Variants in CCL14 observed in about 807,000 individuals in gnomAD.
The protein encoded by CCL14 is C-C motif chemokine ligand 14, also known as C-C motif chemokine 14.
A neutral mutation model predicts 8.2 loss-of-function variants in CCL14; 8 were observed. The observed-to-expected ratio is 0.98, with a 90% CI of 0.57 to 1.76. The LOEUF is 1.76. CCL14 is among the 40% of genes most tolerant of loss of function. CCL14 has a pLI of 0.00. For missense variants in CCL14, 127 were observed against 118.3 expected (o/e 1.07, Z -0.34); for synonymous variants, 50 against 43.2 (o/e 1.16, Z -0.62).
intron 1 of CCL14, chr17:35,985,898 G>C (rs973314366): frequency 1.3e-5 from 12 of 926,806 alleles, no homozygotes; most frequent in Non-Finnish European, 2.0e-5. Context: ...GGCCTAGGAT[G>C]GACCCCACAC....
intron 1 of CCL14, chr17:35,985,634 C>A: frequency 2.4e-6 from 2 of 823,820 alleles, no homozygotes; most frequent in South Asian, 3.2e-5. Flanking sequence ...ATCCAAAGAA[C>A]GGCATAAGGG....
intron 1 of CCL14, chr17:35,985,524 G>T: frequency 1.7e-6 from 1 of 574,340 alleles, no homozygotes; most frequent in Non-Finnish European, 3.1e-6. Flanking sequence ...AATCATGGAT[G>T]TGCATCACAA....
intron 1 of CCL14, chr17:35,986,121 T>G: frequency 2.5e-6 from 1 of 400,752 alleles, no homozygotes; most frequent in Non-Finnish European, 4.4e-6. Flanking sequence ...ATTGAGGGAG[T>G]AGAGAGGCAG....
intron 2 of CCL14, 118 bp downstream of exon 2, chr17:35,984,218 CCA>C: frequency 1.3e-6 from 1 of 751,956 alleles, no homozygotes; most frequent in Non-Finnish European, 2.3e-6. Context: ...CTGCCTCTCC[CCA>C]TGTAGTCACA....
chr17:35,986,301 G>A (rs1349985445), intron 1 of CCL14: 2 of 469,598 alleles, frequency 4.3e-6, no homozygotes, highest in African/African-American at 1.9e-5. Flanking sequence ...AAGTCTCATT[G>A]GTCAAGGCTG....
chr17:35,984,783 G>T, intron 1 of CCL14: 1 of 491,670 alleles, frequency 2.0e-6, no homozygotes, highest in Non-Finnish European at 3.6e-6. Context: ...GGCAGAGAAG[G>T]CTAGGGACTT....
chr17:35,986,683 C>T lies in CCL14; in HGVS notation c.-34G>A, dbSNP rs906038390. 1.3e-6 allele frequency: 2 copies of T among 1,518,960 alleles called. No individual in the cohort carries two copies. Among genetic ancestry groups the T allele is most frequent in the Middle Eastern group, 1.8e-4 (1 of 5,710 alleles). 94.1% of individuals were successfully genotyped at this position (1,518,960 alleles called of 1,614,324 possible). A position where few individuals can be genotyped will look rare whatever the true frequency, so the allele number is the denominator to read the frequency against. ...AAGCTGTTGTGGGAGGAGAGCTGGC[C>T]TGGTGGGAGCTTCAGAGGCTCCTGC... On this transcript the variant is annotated 5_prime_UTR_variant, in exon 1 of 3. Transcript: ENST00000618404.
At chr17:35,984,602 T>C (rs1039968972) in intron 1 of CCL14, 150 bp from the exon 2 acceptor site, 2 of 624,782 alleles carry the variant, frequency 3.2e-6, no homozygotes, top group African/African-American at 1.8e-5. Flanking sequence ...CCTCATCTTC[T>C]CTTCTCCTTC....
rs745567030 is a variant in CCL14 at position 35,985,839 on chromosome 17, T to C, written c.79+732A>G. 2.8e-5 allele frequency: 41 copies of C among 1,476,018 alleles called. 1 individual carries two copies. The South Asian group carries it at 4.5e-4, about 16-fold the overall frequency. 91.4% of individuals were successfully genotyped at this position (1,476,018 alleles called of 1,614,324 possible). On this transcript the variant is annotated intron_variant, in intron 1 of 2. Coordinates refer to ENST00000618404, the MANE Select transcript of CCL14 (RefSeq NM_032963.4). ...AAAATGGAAGAGTGATAAATAGTTT[T>C]GGTTATCTCTAAAGGCAGCTTATTC...
At chr17:35,983,915 C>T in intron 2 of CCL14, 27 bp from the exon 3 acceptor site, 1 of 1,559,192 alleles carries the variant, frequency 6.4e-7, no homozygotes, top group Non-Finnish European at 8.8e-7. Context: ...AGAAGGATCA[C>T]AAACCGAGGG....
Position 35,984,334 on chromosome 17 carries a change from C to T in CCL14, c.194+4G>A, listed in dbSNP as rs1598735739. 6.3e-7 allele frequency: 1 copy of T among 1,579,608 alleles called. No homozygotes were observed. The highest frequency in any genetic ancestry group is 1.3e-5 in the African/African-American group (1 of 74,224). ...CCCCAGTGTGATGTGTGTGTACCAC[C>T]TACACAATTCCGGGCTTGGAGCACT... On this transcript the variant is annotated splice_donor_region_variant and intron_variant, in intron 2 of 2. Coordinates refer to ENST00000618404, the MANE Select transcript of CCL14 (RefSeq NM_032963.4).
rs776439940 is a variant in CCL14, at chr17:35,983,760, T to C, written c.*41A>G. ...GGAGGGGGCCTTGGCATCTTCTCTT[T>C]ATGTCTCTGAGCTGTGCCTTCGCCA... On this transcript the variant is annotated 3_prime_UTR_variant, in exon 3 of 3. Transcript: ENST00000618404. 1.4e-6 allele frequency: 2 copies of C among 1,426,986 alleles called. No individual in the cohort carries two copies. The highest frequency in any genetic ancestry group is 2.3e-5 in the South Asian group (2 of 87,270). The allele number at this position is 1,426,986 out of a possible 1,614,324, so 88.4% of individuals were successfully genotyped here.
chr17:35,985,503 C>T, intron 1 of CCL14: 2 of 554,742 alleles, frequency 3.6e-6, no homozygotes, highest in Non-Finnish European at 6.4e-6. Context: ...TTATGTGACC[C>T]TGCTTCATAG....
In CCL14 at chr17:35,984,325, G is replaced by A; in HGVS notation, c.194+13C>T. 1 of 1,570,472 alleles carries A rather than the reference G, an allele frequency of 6.4e-7. No individual in the cohort carries two copies. Among genetic ancestry groups the A allele is most frequent in the Non-Finnish European group, 8.8e-7 (1 of 1,140,578 alleles). On this transcript the variant is annotated intron_variant, in intron 2 of 2. Coordinates refer to ENST00000618404, the MANE Select transcript of CCL14 (RefSeq NM_032963.4). ...TCCCTCTCCCCCCAGTGTGATGTGTGTGTACCACCTACACAATTCCGGGCT... is the reference window on the plus strand; with the variant it reads ...TCCCTCTCCCCCCAGTGTGATGTGTATGTACCACCTACACAATTCCGGGCT...
rs1379629370 is a variant in CCL14, at chr17:35,983,634, C to T, written c.*167G>A. ...CAGTGCATGGCCAATGAGTAAATCC[C>T]GTAGAAAGGAATGAGGCCAGGGAAG... On this transcript the variant is annotated 3_prime_UTR_variant, in exon 3 of 3. Coordinates refer to ENST00000618404, the MANE Select transcript of CCL14 (RefSeq NM_032963.4). 1.5e-5 allele frequency: 9 copies of T among 609,944 alleles called. No individual in the cohort carries two copies. The highest frequency in any genetic ancestry group is 4.3e-4 in the Middle Eastern group (1 of 2,302). 37.8% of individuals were successfully genotyped at this position (609,944 alleles called of 1,614,324 possible).
chr17:35,983,964 C>T (rs1374928792), intron 2 of CCL14, 76 bp from the exon 3 acceptor site: 1 of 1,043,590 alleles, frequency 9.6e-7, no homozygotes, highest in African/African-American at 1.6e-5. Flanking sequence ...TTCCCTCCCT[C>T]CTAAATTCCC....
At chr17:35,984,489 T>C in intron 1 of CCL14, 37 bp from the exon 2 acceptor site, 1 of 1,362,882 alleles carries the variant, frequency 7.3e-7, no homozygotes, top group Non-Finnish European at 1.0e-6. Context: ...GAGGGGCCCC[T>C]TGTTAAAGGC....
At position 35,983,755 on chromosome 17, in the gene CCL14, C is replaced by T; in HGVS notation, c.*46G>A. Reference sequence around the variant, plus strand: ...GTGGAGGAGGGGGCCTTGGCATCTTCTCTTTATGTCTCTGAGCTGTGCCTT... The same window carrying T: ...GTGGAGGAGGGGGCCTTGGCATCTTTTCTTTATGTCTCTGAGCTGTGCCTT... On this transcript the variant is annotated 3_prime_UTR_variant, in exon 3 of 3. Coordinates refer to ENST00000618404, the MANE Select transcript of CCL14 (RefSeq NM_032963.4). 2 of 1,391,562 alleles carry T rather than the reference C, an allele frequency of 1.4e-6. No individual in the cohort carries two copies. The highest frequency in any genetic ancestry group is 2.0e-6 in the Non-Finnish European group (2 of 976,996). The allele number at this position is 1,391,562 out of a possible 1,614,324, so 86.2% of individuals were successfully genotyped here. A position where few individuals can be genotyped will look rare whatever the true frequency, so the allele number is the denominator to read the frequency against.
intron 1 of CCL14, chr17:35,985,667 T>G (rs2089755047): frequency 2.4e-6 from 3 of 1,249,568 alleles, no homozygotes; most frequent in African/African-American, 1.5e-5. Context: ...TGAGACCCAG[T>G]CAGAGCTCCT....
Sources: allele counts gnomAD v4.1 joint callset, GRCh38; gene constraint gnomAD v4.1.1; transcripts MANE v1.5; gene names NCBI Gene and HGNC (gene_info 2026-07-23, HGNC 2026-07-21).